RBFOX1: variants seen among roughly 807,000 people sequenced by gnomAD.
RBFOX1 encodes RNA binding protein fox-1 homolog 1.
In RBFOX1, 8 loss-of-function variants were observed where a neutral mutation model predicts 57.7. The observed-to-expected ratio is 0.14, with a 90% CI of 0.08 to 0.25. RBFOX1 has a LOEUF of 0.25. Among genes scored for constraint, RBFOX1 ranks in the 10% least tolerant of loss-of-function variants. RBFOX1 has a pLI of 1.00. For missense variants in RBFOX1, 611 were observed against 548.5 expected (o/e 1.11, Z -1.14); for synonymous variants, 326 against 222.4 (o/e 1.47, Z -4.15).
intron 4 of RBFOX1, among the ~76,000 whole-genome samples, chr16:7,515,463 C>G (rs1202719088): frequency 6.7e-6 from 1 of 150,338 alleles, no homozygotes; most frequent in Non-Finnish European, 1.5e-5. Context: ...TAAATTAAAT[C>G]TCTCCACACA....
At position 6,529,196 on chromosome 16, in the gene RBFOX1, G is replaced by T. The variant is rs13335626; in HGVS notation, c.-63-125407G>T. 3.0e-3 allele frequency among the ~76,000 whole-genome samples: 464 copies of T among 152,232 alleles called. 2 individuals carry two copies. The highest frequency in any genetic ancestry group is 0.011 in the African/African-American group (450 of 41,538). On this transcript the variant is annotated intron_variant, in intron 2 of 15. Transcript: ENST00000550418. ...GCTAAAAAGTACCCTATTAAAGAGGGTTGTTTTTATTGTAAACTACTTTTC... is the reference window on the plus strand; with the variant it reads ...GCTAAAAAGTACCCTATTAAAGAGGTTTGTTTTTATTGTAAACTACTTTTC...
At chr16:7,046,901 T>G (rs985926503) in intron 3 of RBFOX1, among the ~76,000 whole-genome samples, 3 of 152,106 alleles carry the variant, frequency 2.0e-5, no homozygotes, top group African/African-American at 4.8e-5. Flanking sequence ...CCCCTGCGCC[T>G]GGCCTATATT....
In RBFOX1 at chr16:5,522,740, C is replaced by T. The variant is rs567058923; in HGVS notation, c.258+55486C>T. Among the ~76,000 whole-genome samples the T allele has an allele frequency of 3.3e-5, 5 of 152,298 alleles. No homozygotes were observed. In the South Asian group the frequency reaches 8.3e-4, roughly 25 times the overall value. On this transcript the variant is annotated intron_variant, in intron 2 of 2. Transcript: ENST00000585867. Reference sequence around the variant, plus strand: ...CTGGTATCTATGATTCTGCTCTCCACCTCCATGAGATGAGTTGCTGTAGCT... The same window carrying T: ...CTGGTATCTATGATTCTGCTCTCCATCTCCATGAGATGAGTTGCTGTAGCT...
At chr16:7,351,132 T>C (rs77266541) in intron 4 of RBFOX1, among the ~76,000 whole-genome samples, 5,176 of 152,266 alleles carry the variant, frequency 0.034, 301 homozygotes, top group African/African-American at 0.12. Context: ...TCTCTCACTT[T>C]TGCAAGTTAT....
rs188954831 is a variant in RBFOX1 at position 6,968,962 on chromosome 16, C to T, written c.-15-83095C>T. ...CACAGTGACCAGATTAGTGGGTGCT[C>T]AGGATGTGTACTTTGAGGGAAGGAA... On this transcript the variant is annotated intron_variant, in intron 3 of 15. Transcript: ENST00000550418. Among the ~76,000 whole-genome samples the T allele has an allele frequency of 2.5e-4, 38 of 152,100 alleles. 1 individual carries two copies. In the East Asian group the frequency reaches 6.8e-3, roughly 27 times the overall value.
chr16:6,486,291 T>C (rs549503617), intron 2 of RBFOX1, among the ~76,000 whole-genome samples: 192 of 152,122 alleles, frequency 1.3e-3, no homozygotes, highest in African/African-American at 4.4e-3. Context: ...TAAACAAATA[T>C]TACAACATCT....
rs71142688 is a variant in RBFOX1, at chr16:6,183,486, T to TTAAATAAATAAA, written c.-126-133479_-126-133468dup. ...CAGAGCAAGGCTCCATCTAAAAAAA[T>TTAAATAAATAAA]TAAATAAATAAATAAATAAATAAAT... is the stretch of plus-strand genomic sequence containing the variant. On this transcript the variant is annotated intron_variant, in intron 1 of 15. Transcript: ENST00000550418. Among the ~76,000 whole-genome samples, 1,399 of 140,874 alleles carry TTAAATAAATAAA rather than the reference T, an allele frequency of 9.9e-3. 15 individuals carry two copies. Among genetic ancestry groups the TTAAATAAATAAA allele is most frequent in the Admixed American group, 0.016 (216 of 13,774 alleles). The allele number at this position is 140,874 out of a possible 152,430, so 92.4% of individuals were successfully genotyped here. A position where few individuals can be genotyped will look rare whatever the true frequency, so the allele number is the denominator to read the frequency against.
chr16:5,549,301 G>A (rs1278463573), intron 2 of RBFOX1, among the ~76,000 whole-genome samples: 1 of 152,202 alleles, frequency 6.6e-6, no homozygotes, highest in Non-Finnish European at 1.5e-5. Context: ...GAGCTTGACT[G>A]TTCTTGGTTG....
intron 4 of RBFOX1, among the ~76,000 whole-genome samples, chr16:7,485,156 T>A (rs11077189): frequency 0.17 from 25,646 of 151,976 alleles, 2,530 homozygotes; most frequent in East Asian, 0.39. Context: ...TATAGACACA[T>A]TAGTTAATAA....
chr16:5,996,843 G>A (rs575691615), intron 4 of RBFOX1, among the ~76,000 whole-genome samples: 1 of 152,268 alleles, frequency 6.6e-6, no homozygotes, highest in East Asian at 1.9e-4. Context: ...CCTCCAGGAA[G>A]CCAGAGGAAA....
At chr16:5,427,538 T>G (rs1639820908) in intron 1 of RBFOX1, among the ~76,000 whole-genome samples, 1 of 152,110 alleles carries the variant, frequency 6.6e-6, no homozygotes, top group Non-Finnish European at 1.5e-5. Context: ...TGAGCTGAGA[T>G]CTTGCCATTA....
chr16:5,857,655 T>C (rs1031489708), intron 3 of RBFOX1, among the ~76,000 whole-genome samples: 3 of 152,054 alleles, frequency 2.0e-5, no homozygotes, highest in African/African-American at 7.2e-5. Context: ...ATTTTTTCCA[T>C]TATAGAAAAT....
At chr16:7,212,143 G>C (rs1225120366) in intron 4 of RBFOX1, among the ~76,000 whole-genome samples, 2 of 152,200 alleles carry the variant, frequency 1.3e-5, no homozygotes, top group African/African-American at 4.8e-5. Flanking sequence ...GGATTCATTG[G>C]CATGAGTGGC....
At chr16:5,478,303 C>A (rs1239270189) in intron 2 of RBFOX1, among the ~76,000 whole-genome samples, 1 of 151,866 alleles carries the variant, frequency 6.6e-6, no homozygotes, top group Admixed American at 6.6e-5. Context: ...AGTGGGCTAG[C>A]AGAGGAGAAG....
At chr16:7,218,704 G>C in intron 4 of RBFOX1, among the ~76,000 whole-genome samples, 1 of 146,824 alleles carries the variant, frequency 6.8e-6, no homozygotes, top group African/African-American at 2.6e-5. Flanking sequence ...AACTGGCTGT[G>C]AGACTTTGGT....
At chr16:7,240,861 C>T (rs1377442733) in intron 4 of RBFOX1, among the ~76,000 whole-genome samples, 2 of 152,192 alleles carry the variant, frequency 1.3e-5, no homozygotes, top group Non-Finnish European at 2.9e-5. Flanking sequence ...TGAGCCGCTG[C>T]ACCTGGCAAA....
intron 3 of RBFOX1, among the ~76,000 whole-genome samples, chr16:5,845,617 C>A (rs1190361111): frequency 6.6e-6 from 1 of 152,172 alleles, no homozygotes; most frequent in East Asian, 1.9e-4. Flanking sequence ...TTGTTATTCC[C>A]CATAACTGTG....
chr16:5,766,058 A>G (rs1404757192), intron 3 of RBFOX1, among the ~76,000 whole-genome samples: 2 of 152,192 alleles, frequency 1.3e-5, no homozygotes, highest in Non-Finnish European at 2.9e-5. Flanking sequence ...GTCATGGAGC[A>G]GCCAATAGCT....
chr16:7,193,141 C>T (rs149089935), intron 4 of RBFOX1, among the ~76,000 whole-genome samples: 3 of 152,300 alleles, frequency 2.0e-5, no homozygotes, highest in Non-Finnish European at 2.9e-5. Flanking sequence ...GCGCATTATC[C>T]TGGATTATCT....
Sources: gnomAD v4.1 joint callset for allele counts (sites outside exome capture counted in the v4.1 genomes callset) on GRCh38, gnomAD v4.1.1 for gene constraint, MANE v1.5 for transcripts, NCBI Gene and HGNC (gene_info 2026-07-23, HGNC 2026-07-21) for gene names.